SUGCT: variants seen among roughly 807,000 people sequenced by gnomAD.
The protein encoded by SUGCT is succinyl-CoA:glutarate-CoA transferase.
SUGCT carries 41 observed loss-of-function variants against 55.0 expected under a neutral mutation model. That is an observed-to-expected ratio of 0.74 (90% CI 0.58 to 0.97). The LOEUF (loss-of-function observed/expected upper bound fraction) is 0.97. SUGCT is among the 50% of genes least tolerant of loss of function. The probability of loss-of-function intolerance (pLI) is 0.00; values close to 1 mark genes in which losing one functional copy is unlikely to be tolerated. For synonymous variants in SUGCT, 187 were observed against 200.4 expected (o/e 0.93, Z 0.56); for missense variants, 568 against 547.8 (o/e 1.04, Z -0.37).
intron 3 of SUGCT, among the ~76,000 whole-genome samples, chr7:40,187,852 G>T (rs1289989891): frequency 6.6e-6 from 1 of 152,050 alleles, no homozygotes; most frequent in Non-Finnish European, 1.5e-5. Context: ...AGATGTCATT[G>T]GTTTATCTCC....
chr7:40,686,381 T>A (rs1784465500), intron 12 of SUGCT, among the ~76,000 whole-genome samples: 1 of 152,232 alleles, frequency 6.6e-6, no homozygotes, highest in Non-Finnish European at 1.5e-5. Flanking sequence ...AAAGTGGTAA[T>A]TAAGTTTATG....
At chr7:40,862,895 G>A (rs763275369), downstream of SUGCT, among the ~76,000 whole-genome samples, 16 of 152,068 alleles carry the variant, frequency 1.1e-4, no homozygotes, top group South Asian at 2.1e-4. Context: ...TGGTGTGAGC[G>A]TGTGTTTGAT....
intron 9 of SUGCT, among the ~76,000 whole-genome samples, chr7:40,332,372 A>G (rs956630605): frequency 2.6e-5 from 4 of 152,188 alleles, no homozygotes; most frequent in African/African-American, 9.6e-5. Flanking sequence ...TACAATATTA[A>G]AGAATTAAGA....
chr7:40,864,360 C>T (rs1236495622), downstream of SUGCT, among the ~76,000 whole-genome samples: 6 of 152,142 alleles, frequency 3.9e-5, no homozygotes, highest in East Asian at 1.9e-4. Flanking sequence ...CCATGTTGGC[C>T]AGGCTGGTCT....
chr7:40,978,967 G>A, the SUGCT span, among the ~76,000 whole-genome samples: 5 of 152,220 alleles, frequency 3.3e-5, no homozygotes, highest in Non-Finnish European at 7.3e-5. Flanking sequence ...CACTTTGGCT[G>A]ACAGCTCTAG....
intron 8 of SUGCT, among the ~76,000 whole-genome samples, chr7:40,294,488 A>C (rs958881516): frequency 4.6e-5 from 7 of 152,176 alleles, no homozygotes; most frequent in African/African-American, 1.7e-4. Flanking sequence ...TTGGTTCCAG[A>C]GTTTACATAC....
At chr7:40,584,597 C>T (rs1490753840) in intron 12 of SUGCT, among the ~76,000 whole-genome samples, 1 of 152,142 alleles carries the variant, frequency 6.6e-6, no homozygotes, top group Non-Finnish European at 1.5e-5. Flanking sequence ...TTGACCATCA[C>T]AACACTCCAT....
At chr7:40,174,953 GA>G (rs1157074931) in intron 1 of SUGCT, among the ~76,000 whole-genome samples, 3 of 151,902 alleles carry the variant, frequency 2.0e-5, no homozygotes, top group Non-Finnish European at 4.4e-5. Context: ...AATGTGGTGA[GA>G]AAAAAAATTT....
chr7:40,684,562 T>G (rs1341147145), intron 12 of SUGCT, among the ~76,000 whole-genome samples: 1 of 152,202 alleles, frequency 6.6e-6, no homozygotes, highest in Non-Finnish European at 1.5e-5. Flanking sequence ...AAGTTATTTA[T>G]TCAGCTAATT....
rs190694702 is a variant in SUGCT at position 40,376,705 on chromosome 7, T to C, written c.816+59850T>C. Among the ~76,000 whole-genome samples the C allele has an allele frequency of 2.0e-3, 300 of 151,982 alleles. 12 individuals carry two copies. In the South Asian group the frequency reaches 0.059, roughly 30 times the overall value. The stretch of plus-strand genomic sequence containing the variant: ...CTGTGCCTGGCCTATCTAATATATC[T>C]TGAATGTCTTCTCGTGTCAACATAT... On this transcript the variant is annotated intron_variant, in intron 9 of 13. Transcript: ENST00000335693.
intron 8 of SUGCT, among the ~76,000 whole-genome samples, chr7:40,291,955 G>A (rs192794977): frequency 3.9e-5 from 6 of 152,254 alleles, no homozygotes; most frequent in Admixed American, 3.3e-4. Context: ...CAGCTTTGTC[G>A]ACACCTTGAC....
intron 13 of SUGCT, among the ~76,000 whole-genome samples, chr7:40,847,411 C>CTTTTTTTTTTTTTTTTTT (rs981613426): frequency 2.0e-4 from 15 of 75,396 alleles, no homozygotes; most frequent in Admixed American, 3.3e-4. Context: ...TTCTTTCTTT[C>CTTTTTTTTTTTTTTTTTT]TTTTTTTTTT....
At chr7:40,756,283 A>G (rs1030028631) in intron 13 of SUGCT, among the ~76,000 whole-genome samples, 2 of 152,204 alleles carry the variant, frequency 1.3e-5, no homozygotes, top group Non-Finnish European at 2.9e-5. Context: ...GATGATTACA[A>G]TGGAAAACTA....
the SUGCT span, among the ~76,000 whole-genome samples, chr7:40,889,153 G>A: frequency 4.6e-5 from 7 of 152,314 alleles, no homozygotes; most frequent in African/African-American, 1.7e-4. Flanking sequence ...CGATGGGCTG[G>A]GCAGGCAGTG....
intron 12 of SUGCT, among the ~76,000 whole-genome samples, chr7:40,528,025 G>A (rs1793898210): frequency 6.6e-6 from 1 of 152,128 alleles, no homozygotes; most frequent in Non-Finnish European, 1.5e-5. Context: ...GTTTGCCTGA[G>A]TTCAAATTCT....
At chr7:40,992,494 T>C in the SUGCT span, among the ~76,000 whole-genome samples, 13,357 of 146,330 alleles carry the variant, frequency 0.091, 632 homozygotes, top group South Asian at 0.22. Context: ...ACACAGCCCA[T>C]TGTAGGTCTC....
chr7:40,782,806 A>G (rs551583489), intron 13 of SUGCT: 2 of 152,332 alleles, frequency 1.3e-5, no homozygotes, highest in South Asian at 4.1e-4. Context: ...AGGAGCATAG[A>G]GGAACACGGT....
intron 11 of SUGCT, among the ~76,000 whole-genome samples, chr7:40,470,328 G>A (rs1170873129): frequency 1.3e-5 from 2 of 152,034 alleles, no homozygotes; most frequent in South Asian, 2.1e-4. Context: ...TGGCTCTCCA[G>A]CATGGACTTT....
chr7:40,509,668 C>T (rs535128614), intron 12 of SUGCT, among the ~76,000 whole-genome samples: 9 of 152,106 alleles, frequency 5.9e-5, no homozygotes, highest in South Asian at 2.1e-4. Context: ...TTTTTCTTTC[C>T]GTCTGCTTTT....
Sources: allele counts gnomAD v4.1 joint callset (sites outside exome capture counted in the v4.1 genomes callset), GRCh38; gene constraint gnomAD v4.1.1; transcripts MANE v1.5; gene names NCBI Gene and HGNC (gene_info 2026-07-23, HGNC 2026-07-21).